Variants in TENM3 observed in about 807,000 individuals in gnomAD.
TENM3 encodes teneurin transmembrane protein 3.
TENM3 carries 63 observed loss-of-function variants against 255.1 expected under a neutral mutation model. That is an observed-to-expected ratio of 0.25 (90% CI 0.20 to 0.30). TENM3 has a LOEUF of 0.30. TENM3 is among the 10% of genes least tolerant of loss of function. The pLI is 1.00. For synonymous variants in TENM3, 1,306 were observed against 1,322.3 expected, an observed-to-expected ratio of 0.99 and a Z score of 0.27; for missense variants, 2,929 against 3,461.1, an observed-to-expected ratio of 0.85 and a Z score of 3.86.
the TENM3 span, among the ~76,000 whole-genome samples, chr4:181,739,055 C>T: frequency 0.022 from 3,325 of 152,192 alleles, 126 homozygotes; most frequent in African/African-American, 0.072. Flanking sequence ...GTGCAAGTTC[C>T]CTCACTCCCT....
intron 16 of TENM3, among the ~76,000 whole-genome samples, chr4:182,733,759 G>A (rs1760957032): frequency 6.6e-6 from 1 of 152,158 alleles, no homozygotes; most frequent in Non-Finnish European, 1.5e-5. Flanking sequence ...ACTTTGAGCT[G>A]AAACTTTTAA....
the TENM3 span, among the ~76,000 whole-genome samples, chr4:181,657,270 T>G: frequency 6.6e-6 from 1 of 152,216 alleles, no homozygotes; most frequent in East Asian, 1.9e-4. Flanking sequence ...GCCTGGGAAT[T>G]TATAATACAC....
upstream of TENM3, among the ~76,000 whole-genome samples, chr4:182,241,543 G>T: frequency 1.4e-5 from 1 of 70,868 alleles, no homozygotes. Flanking sequence ...TTTGTGAGGC[G>T]GAGTCTTACT....
At chr4:182,206,436 G>A (rs959142753) in intron 1 of TENM3, among the ~76,000 whole-genome samples, 1 of 152,168 alleles carries the variant, frequency 6.6e-6, no homozygotes, top group South Asian at 2.1e-4. Context: ...ATGGATTCAC[G>A]AGAATGTCTC....
At chr4:182,352,023 A>C (rs1765215141) in intron 3 of TENM3, among the ~76,000 whole-genome samples, 1 of 152,134 alleles carries the variant, frequency 6.6e-6, no homozygotes, top group Non-Finnish European at 1.5e-5. Context: ...ATTAAGTTAA[A>C]TAAACAATAT....
the TENM3 span, among the ~76,000 whole-genome samples, chr4:181,946,300 C>A: frequency 0.38 from 58,141 of 151,982 alleles, 11,528 homozygotes; most frequent in African/African-American, 0.46. Context: ...CTGTGTATGA[C>A]AGTACCCACA....
chr4:182,472,067 C>T (rs1733178932), intron 3 of TENM3, among the ~76,000 whole-genome samples: 1 of 152,110 alleles, frequency 6.6e-6, no homozygotes, highest in African/African-American at 2.4e-5. Flanking sequence ...TTTTGTCTTG[C>T]AAGTAAATTA....
intron 24 of TENM3, 59 bp downstream of exon 24, chr4:182,775,212 C>G: frequency 1.3e-6 from 2 of 1,505,170 alleles, no homozygotes; most frequent in South Asian, 1.1e-5. Context: ...GCAGATCATC[C>G]TGAGGGCAGG....
At chr4:182,405,290 A>C (rs969850686) in intron 3 of TENM3, among the ~76,000 whole-genome samples, 1 of 152,272 alleles carries the variant, frequency 6.6e-6, no homozygotes, top group African/African-American at 2.4e-5. Context: ...TTGTACTCAC[A>C]GTAGATGTTG....
chr4:182,747,291 A>C (rs1008986255), intron 19 of TENM3, among the ~76,000 whole-genome samples: 1 of 152,246 alleles, frequency 6.6e-6, no homozygotes, highest in African/African-American at 2.4e-5. Flanking sequence ...ATATTGAATA[A>C]AAATTAGTAT....
chr4:181,694,399 G>A, the TENM3 span, among the ~76,000 whole-genome samples: 1 of 152,140 alleles, frequency 6.6e-6, no homozygotes. Flanking sequence ...TAGATCTAAG[G>A]ATAAAGGGAT....
At chr4:181,606,524 A>G in the TENM3 span, among the ~76,000 whole-genome samples, 2 of 152,272 alleles carry the variant, frequency 1.3e-5, no homozygotes, top group Admixed American at 1.3e-4. Context: ...ATGAGAGAGA[A>G]GACTGTGGTC....
intron 1 of TENM3, among the ~76,000 whole-genome samples, chr4:182,323,529 C>T (rs964964695): frequency 1.3e-5 from 2 of 151,028 alleles, no homozygotes; most frequent in Non-Finnish European, 2.9e-5. Flanking sequence ...AAATAGTGTA[C>T]GTTTATAAGA....
intron 1 of TENM3, among the ~76,000 whole-genome samples, chr4:182,192,906 C>G (rs890079180): frequency 3.3e-5 from 5 of 152,152 alleles, no homozygotes; most frequent in African/African-American, 1.2e-4. Context: ...AAACTTCTGT[C>G]TGTGGCTAGA....
chr4:181,508,122 G>A, the TENM3 span, among the ~76,000 whole-genome samples: 1 of 152,160 alleles, frequency 6.6e-6, no homozygotes, highest in Non-Finnish European at 1.5e-5. Context: ...GACTGCCGTT[G>A]AAATAATGAA....
intron 2 of TENM3, among the ~76,000 whole-genome samples, chr4:182,332,161 AAATTAGAAATAAATAACAAAAAGAT>A (rs1293614608): frequency 8.5e-5 from 13 of 152,284 alleles, no homozygotes; most frequent in East Asian, 1.9e-4. Flanking sequence ...AAATGTAGTA[AAATTAGAAATAAATAACAAAAAGAT>A]AATTAGAAAT....
the TENM3 span, among the ~76,000 whole-genome samples, chr4:182,110,202 T>C: frequency 2.0e-5 from 3 of 152,112 alleles, no homozygotes; most frequent in Non-Finnish European, 4.4e-5. Context: ...TCATTATCTA[T>C]GCCTTGTCTA....
At chr4:182,298,651 G>A (rs1761645761) in intron 1 of TENM3, among the ~76,000 whole-genome samples, 1 of 152,034 alleles carries the variant, frequency 6.6e-6, no homozygotes, top group African/African-American at 2.4e-5. Flanking sequence ...TGGAGAAAAT[G>A]ACACTCAACA....
At chr4:182,542,034 G>A (rs1410853593) in intron 3 of TENM3, among the ~76,000 whole-genome samples, 4 of 152,160 alleles carry the variant, frequency 2.6e-5, no homozygotes. Context: ...CTGCATTCCA[G>A]CCTGGGCGAC....
Sources: allele counts gnomAD v4.1 joint callset (sites outside exome capture counted in the v4.1 genomes callset), GRCh38; gene constraint gnomAD v4.1.1; transcripts MANE v1.5; gene names NCBI Gene and HGNC (gene_info 2026-07-23, HGNC 2026-07-21).